OPTC: variants seen among roughly 807,000 people sequenced by gnomAD.
OPTC encodes oculoglycan.
In OPTC, 22 loss-of-function variants were observed where a neutral mutation model predicts 25.4. That is an observed-to-expected ratio of 0.87 (90% CI 0.62 to 1.24). The LOEUF is 1.24. OPTC is among the 50% of genes most tolerant of loss of function. OPTC has a pLI of 0.00. For synonymous variants in OPTC, 169 were observed against 179.3 expected (o/e 0.94, Z 0.46); for missense variants, 417 against 425.2 (o/e 0.98, Z 0.17).
chr1:203,495,471 G>T (rs1009690618), intron 1 of OPTC, among the ~76,000 whole-genome samples: 4 of 152,096 alleles, frequency 2.6e-5, no homozygotes, highest in Admixed American at 2.6e-4. Context: ...AGCCAAGATC[G>T]CACCACTGCA....
chr1:203,508,487 C>T (rs1396298039), intron 7 of OPTC, among the ~76,000 whole-genome samples, 159 bp from the exon 8 acceptor site: 1 of 152,152 alleles, frequency 6.6e-6, no homozygotes, highest in Non-Finnish European at 1.5e-5. Context: ...TTCCTTCTGG[C>T]CAGGACAGAG....
At chr1:203,497,526 C>CACTGCTTTT (rs1661299571) in intron 3 of OPTC, among the ~76,000 whole-genome samples, 1 of 152,214 alleles carries the variant, frequency 6.6e-6, no homozygotes, top group Non-Finnish European at 1.5e-5. Flanking sequence ...GAAGCAGTCA[C>CACTGCTTTT]ACTGCTTTTC....
Position 203,495,971 on chromosome 1 carries a change from C to T in OPTC, c.-35C>T, listed in dbSNP as rs1224555526. The T allele has an allele frequency of 1.5e-5, 23 of 1,487,910 alleles. No homozygotes were observed. Among genetic ancestry groups the T allele is most frequent in the Non-Finnish European group, 2.1e-5 (23 of 1,079,102 alleles). 92.2% of individuals were successfully genotyped at this position (1,487,910 alleles called of 1,614,324 possible). On this transcript the variant is annotated 5_prime_UTR_variant, in exon 2 of 8. Transcript: ENST00000367222. ...CCTCGTGCCCACTTGCCAGGACCAGCCGCTGAAGGGATTCTCAGTCCCATC... is the reference window on the plus strand; with the variant it reads ...CCTCGTGCCCACTTGCCAGGACCAGTCGCTGAAGGGATTCTCAGTCCCATC...
Position 203,503,570 on chromosome 1 carries a change from G to T in OPTC, c.849G>T (p.Met283Ile), listed in dbSNP as rs748063663. The T allele has an allele frequency of 6.2e-7, 1 of 1,613,644 alleles. No homozygotes were observed. The highest frequency in any genetic ancestry group is 1.7e-5 in the Admixed American group (1 of 60,024). ...VHLQNNLIETMQRDVFCDPEE... is the reference protein window; with the variant it reads ...VHLQNNLIETIQRDVFCDPEE... ...CCCAGAATAACCTGATAGAGACCAT[G>T]CAGAGAGACGTCTTCTGTGACCCCG... Residue 283 changes from methionine (M) to isoleucine (I), a missense_variant, in exon 7 of 8, where the codon ATG (methionine) becomes ATT (isoleucine). Transcript: ENST00000367222.
rs372264023 is a variant in OPTC at position 203,503,594 on chromosome 1, C to T, written c.873C>T (p.Pro291=). 18 of 1,613,568 alleles carry T rather than the reference C, an allele frequency of 1.1e-5. No homozygotes were observed. The highest frequency in any genetic ancestry group is 6.7e-5 in the East Asian group (3 of 44,880). The change falls in exon 7 of 8, where the codon CCC becomes CCT. Residue 291 remains proline (P), a synonymous_variant. Coordinates refer to ENST00000367222, the MANE Select transcript of OPTC (RefSeq NM_014359.4). ...ETMQRDVFCD[P]EEHKHTRRQL... ...TGCAGAGAGACGTCTTCTGTGACCC[C>T]GAGGAGCACAAACACACCCGCAGGC...
chr1:203,507,391 G>A (rs1378094395), intron 7 of OPTC, among the ~76,000 whole-genome samples: 2 of 152,172 alleles, frequency 1.3e-5, no homozygotes, highest in Non-Finnish European at 2.9e-5. Flanking sequence ...CTAGCTTGAG[G>A]GCCTCATGCC....
intron 3 of OPTC, among the ~76,000 whole-genome samples, chr1:203,498,428 G>A (rs1185709622): frequency 6.6e-6 from 1 of 152,184 alleles, no homozygotes; most frequent in East Asian, 1.9e-4. Context: ...CACAGAACCA[G>A]GGTCTGCTGA....
chr1:203,497,260 G>T, intron 3 of OPTC, 145 bp downstream of exon 3: 1 of 819,242 alleles, frequency 1.2e-6, no homozygotes, highest in Non-Finnish European at 2.0e-6. Context: ...GAGAGAAGGG[G>T]AAATAGCCAC....
At chr1:203,494,989 C>T (rs1416324024) in intron 1 of OPTC, among the ~76,000 whole-genome samples, 1 of 152,204 alleles carries the variant, frequency 6.6e-6, no homozygotes. Flanking sequence ...ACTCTTTTAT[C>T]TGTAATAATC....
intron 5 of OPTC, among the ~76,000 whole-genome samples, chr1:203,501,400 C>T (rs1661389890): frequency 6.6e-6 from 1 of 152,162 alleles, no homozygotes; most frequent in South Asian, 2.1e-4. Flanking sequence ...TGTGCCTGTC[C>T]AAGAGAGACT....
At chr1:203,506,998 A>C (rs1246432847) in intron 7 of OPTC, among the ~76,000 whole-genome samples, 1 of 152,224 alleles carries the variant, frequency 6.6e-6, no homozygotes, top group Non-Finnish European at 1.5e-5. Context: ...ATTTTTGGCT[A>C]GGGAAGCCCA....
Position 203,502,953 on chromosome 1 carries a change from C to G in OPTC, c.772C>G (p.Leu258Val), listed in dbSNP as rs746587486. ...GCAGTTCCTTTACCTGTCAGACAAC[C>G]TGCTGGATTCTATCCCGGGGCCTTT... Reference protein sequence around the residue: ...KLQFLYLSDNLLDSIPGPLPL... With the variant: ...KLQFLYLSDNVLDSIPGPLPL... Residue 258 changes from leucine to valine, a missense_variant, in exon 6 of 8, where the codon CTG (leucine) becomes GTG (valine). By Grantham distance (32) the Leu-to-Val change is conservative. Coordinates refer to ENST00000367222, the MANE Select transcript of OPTC (RefSeq NM_014359.4). 6.2e-7 allele frequency: 1 copy of G among 1,614,000 alleles called. No homozygotes were observed. The highest frequency in any genetic ancestry group is 8.5e-7 in the Non-Finnish European group (1 of 1,180,042).
intron 4 of OPTC, among the ~76,000 whole-genome samples, chr1:203,499,407 C>T (rs1051423976): frequency 1.3e-5 from 2 of 152,008 alleles, no homozygotes; most frequent in Non-Finnish European, 2.9e-5. Context: ...CTAAAGGATG[C>T]AAGATGGACG....
intron 5 of OPTC, 127 bp from the exon 6 acceptor site, chr1:203,502,787 G>T (rs768752232): frequency 5.3e-6 from 4 of 757,962 alleles, no homozygotes; most frequent in East Asian, 5.2e-5. Context: ...AGAGCTTGGC[G>T]CATGGCTGAG....
At chr1:203,505,198 CAT>C (rs1185388877) in intron 7 of OPTC, among the ~76,000 whole-genome samples, 2 of 152,228 alleles carry the variant, frequency 1.3e-5, no homozygotes, top group African/African-American at 4.8e-5. Context: ...GCAACAGAAA[CAT>C]ATTCCTTTTC....
At chr1:203,495,427 A>T (rs936854245) in intron 1 of OPTC, among the ~76,000 whole-genome samples, 1 of 152,202 alleles carries the variant, frequency 6.6e-6, no homozygotes, top group African/African-American at 2.4e-5. Context: ...GAGGCAGGAG[A>T]TTCGCTTGAA....
chr1:203,503,067 A>T (rs879359810), intron 6 of OPTC, 58 bp downstream of exon 6: 3 of 1,382,554 alleles, frequency 2.2e-6, no homozygotes, highest in Non-Finnish European at 3.1e-6. Flanking sequence ...GAAGTTAGAT[A>T]CCAGGAGCAG....
chr1:203,506,152 CTTTTT>C (rs1211629662), intron 7 of OPTC, among the ~76,000 whole-genome samples: 8 of 140,604 alleles, frequency 5.7e-5, no homozygotes, highest in East Asian at 4.2e-4. Flanking sequence ...TTTCTTTTTT[CTTTTT>C]TTTTTTTTTT....
At chr1:203,503,464 TG>T in intron 6 of OPTC, 85 bp from the exon 7 acceptor site, 1 of 1,347,544 alleles carries the variant, frequency 7.4e-7, no homozygotes, top group Non-Finnish European at 1.1e-6. Flanking sequence ...CAGGCAGAGC[TG>T]GTAGGGACAG....
Sources: allele counts gnomAD v4.1 joint callset (sites outside exome capture counted in the v4.1 genomes callset), GRCh38; gene constraint gnomAD v4.1.1; transcripts MANE v1.5; gene names NCBI Gene and HGNC (gene_info 2026-07-23, HGNC 2026-07-21).